ERC1: variants seen among roughly 807,000 people sequenced by gnomAD.
ERC1 encodes the protein ELKS/RAB6-interacting/CAST family member 1, also known as RAB6 interacting protein 2.
ERC1 carries 56 observed loss-of-function variants against 132.0 expected under a neutral mutation model. The observed-to-expected ratio is 0.42, with a 90% confidence interval of 0.34 to 0.53. The LOEUF is 0.53. Among genes scored for constraint, ERC1 ranks in the 20% least tolerant of loss-of-function variants. The pLI is 0.03. For synonymous variants in ERC1, 478 were observed against 476.1 expected (o/e 1.00, Z -0.05); for missense variants, 1,202 against 1,349.9 (o/e 0.89, Z 1.72).
intron 15 of ERC1, among the ~76,000 whole-genome samples, chr12:1,342,379 A>C (rs1015377419): frequency 1.3e-5 from 2 of 151,744 alleles, no homozygotes; most frequent in South Asian, 2.1e-4. Flanking sequence ...AGGCAGGAGA[A>C]TCGCTTGAAC....
chr12:1,389,327 G>C (rs138716433), intron 16 of ERC1, among the ~76,000 whole-genome samples: 2 of 152,344 alleles, frequency 1.3e-5, no homozygotes, highest in East Asian at 3.9e-4. Context: ...GGAGTCATCA[G>C]AACAGAAATA....
intron 17 of ERC1, among the ~76,000 whole-genome samples, chr12:1,408,648 G>C (rs951329054): frequency 1.3e-5 from 2 of 152,194 alleles, no homozygotes; most frequent in East Asian, 3.8e-4. Context: ...ACAGTTTGGA[G>C]GTTATTTCTG....
chr12:1,284,127 T>C (rs2078879014), intron 14 of ERC1, among the ~76,000 whole-genome samples: 1 of 152,224 alleles, frequency 6.6e-6, no homozygotes, highest in African/African-American at 2.4e-5. Flanking sequence ...AAATTTCTTC[T>C]AGCTCCCACG....
At chr12:1,299,399 A>G (rs902326026) in intron 15 of ERC1, among the ~76,000 whole-genome samples, 1 of 152,210 alleles carries the variant, frequency 6.6e-6, no homozygotes, top group Non-Finnish European at 1.5e-5. Flanking sequence ...AGATAACATA[A>G]TTCTAAATAC....
intron 2 of ERC1, among the ~76,000 whole-genome samples, chr12:1,069,939 C>T (rs1940017841): frequency 6.6e-6 from 1 of 152,128 alleles, no homozygotes; most frequent in African/African-American, 2.4e-5. Context: ...AATCGAGCTA[C>T]ATGTATCGAT....
intron 2 of ERC1, among the ~76,000 whole-genome samples, chr12:1,066,236 C>T (rs1818219837): frequency 6.6e-6 from 1 of 152,198 alleles, no homozygotes; most frequent in South Asian, 2.1e-4. Flanking sequence ...CAAATATTCG[C>T]TATGGCGATT....
chr12:1,301,390 C>G (rs1227712324), intron 15 of ERC1, among the ~76,000 whole-genome samples: 2 of 152,066 alleles, frequency 1.3e-5, no homozygotes, highest in Non-Finnish European at 2.9e-5. Flanking sequence ...GCACTGTTCT[C>G]AATAACAAAG....
At chr12:1,356,527 A>AT (rs2085555863) in intron 15 of ERC1, among the ~76,000 whole-genome samples, 1 of 152,190 alleles carries the variant, frequency 6.6e-6, no homozygotes, top group Non-Finnish European at 1.5e-5. Context: ...TATTTTGAGC[A>AT]TATTTTTCCC....
intron 18 of ERC1, among the ~76,000 whole-genome samples, chr12:1,479,315 CA>C (rs777217297): frequency 3.3e-4 from 50 of 152,176 alleles, no homozygotes; most frequent in Non-Finnish European, 6.5e-4. Flanking sequence ...TTCACATACA[CA>C]CCTGCCAGTT....
chr12:1,035,567 G>A (rs989453686), intron 2 of ERC1, among the ~76,000 whole-genome samples: 1 of 152,074 alleles, frequency 6.6e-6, no homozygotes, highest in Non-Finnish European at 1.5e-5. Context: ...AAGGTTTTTG[G>A]TGTATGTTTG....
intron 2 of ERC1, among the ~76,000 whole-genome samples, chr12:1,051,543 AAAAAAAAAAAAG>A (rs1207209877): frequency 4.2e-5 from 1 of 23,872 alleles, no homozygotes; most frequent in African/African-American, 8.6e-5. Context: ...AAAAAAAAAA[AAAAAAAAAAAAG>A]GGCAGAAGAA....
chr12:1,052,404 T>C (rs1332418529), intron 2 of ERC1, among the ~76,000 whole-genome samples: 1 of 152,206 alleles, frequency 6.6e-6, no homozygotes, highest in Non-Finnish European at 1.5e-5. Context: ...TGGATAAATA[T>C]TAATTATGAA....
At chr12:1,412,732 G>A (rs1020371425) in intron 17 of ERC1, among the ~76,000 whole-genome samples, 6 of 152,122 alleles carry the variant, frequency 3.9e-5, no homozygotes, top group African/African-American at 1.2e-4. Flanking sequence ...CAAAAAATGG[G>A]TTTATGAATA....
intron 8 of ERC1, among the ~76,000 whole-genome samples, chr12:1,168,370 C>T (rs770771635): frequency 9.9e-5 from 15 of 152,018 alleles, no homozygotes; most frequent in Non-Finnish European, 1.6e-4. Context: ...GTGATCTACC[C>T]GCGTCAGCCT....
chr12:1,190,048 G>C lies in ERC1; in HGVS notation c.2347G>C (p.Glu783Gln), dbSNP rs771112090. 1 of 1,611,998 alleles carries C rather than the reference G, an allele frequency of 6.2e-7. No homozygotes were observed. The highest frequency in any genetic ancestry group is 2.2e-5 in the East Asian group (1 of 44,864). ...CAAAGATAAGAAGATAGCTGAGTTG[G>C]AAAGGTAAGAAAGTGAAGCTGATTG... is the stretch of plus-strand genomic sequence containing the variant. ...NDKDKKIAEL[E>Q]RQVKDQNKKV... Residue 783 changes from glutamate to glutamine, a missense_variant, in exon 12 of 19, where the codon GAA (glutamate) becomes CAA (glutamine). By Grantham distance (29) the Glu-to-Gln change is conservative (BLOSUM62 2). Coordinates refer to ENST00000360905, the MANE Select transcript of ERC1 (RefSeq NM_178040.4).
At chr12:1,387,123 G>A (rs1182227225) in intron 16 of ERC1, 1 of 128,344 alleles carries the variant, frequency 7.8e-6, no homozygotes, top group Non-Finnish European at 1.6e-5. Context: ...TTTGGAACCT[G>A]ATAACTTGTT....
chr12:1,472,468 G>A (rs2093881990), intron 18 of ERC1, among the ~76,000 whole-genome samples: 1 of 152,088 alleles, frequency 6.6e-6, no homozygotes, highest in Non-Finnish European at 1.5e-5. Flanking sequence ...GGGCAACATA[G>A]TGAGACCTCC....
At chr12:1,189,661 A>G (rs546915430) in intron 11 of ERC1, among the ~76,000 whole-genome samples, 198 bp from the exon 12 acceptor site, 10 of 152,182 alleles carry the variant, frequency 6.6e-5, no homozygotes, top group Non-Finnish European at 1.3e-4. Context: ...TCTACTTGGA[A>G]CCTAAGATAA....
intron 18 of ERC1, among the ~76,000 whole-genome samples, chr12:1,470,055 G>A (rs930739729): frequency 3.3e-5 from 5 of 151,694 alleles, no homozygotes; most frequent in African/African-American, 1.2e-4. Flanking sequence ...TCACATCAAA[G>A]GGTCATTTCG....
Sources: allele counts gnomAD v4.1 joint callset (sites outside exome capture counted in the v4.1 genomes callset), GRCh38; gene constraint gnomAD v4.1.1; transcripts MANE v1.5; gene names NCBI Gene and HGNC (gene_info 2026-07-23, HGNC 2026-07-21).